DRC7: variants seen among roughly 807,000 people sequenced by gnomAD.
DRC7 encodes the protein dynein regulatory complex subunit 7, also known as coiled-coil domain containing 135.
A neutral mutation model predicts 104.4 loss-of-function variants in DRC7; 80 were observed. The ratio of observed to expected loss-of-function variants is 0.77; its 90% CI spans 0.64 to 0.92. DRC7 has a LOEUF of 0.92. Ranked by LOEUF, DRC7 falls within the 40% of genes least tolerant of loss-of-function variation. DRC7 has a pLI of 0.00. For synonymous variants in DRC7, 405 were observed against 447.3 expected, an observed-to-expected ratio of 0.91 and a Z score of 1.19; for missense variants, 1,034 against 1,141.1, an observed-to-expected ratio of 0.91 and a Z score of 1.35.
intron 8 of DRC7, among the ~76,000 whole-genome samples, chr16:57,708,814 G>A (rs2048761205): frequency 6.6e-6 from 1 of 152,156 alleles, no homozygotes; most frequent in South Asian, 2.1e-4. Context: ...TAATGGTATT[G>A]CACTGTGGTT....
rs2048695410 is a variant in DRC7 at position 57,704,907 on chromosome 16, A to G, written c.731A>G (p.Lys244Arg). The G allele has an allele frequency of 6.2e-7, 1 of 1,613,590 alleles. No homozygotes were observed. The highest frequency in any genetic ancestry group is 1.7e-5 in the Admixed American group (1 of 59,988). The stretch of plus-strand genomic sequence containing the variant: ...AAGAAGGAGGAAAAGGTGCTGCCTA[A>G]GAAGTATACCATCAAACCCCCCAGG... ...TIKKEEKVLP[K>R]KYTIKPPRDL... Residue 244 changes from lysine to arginine, a missense_variant, in exon 7 of 19, where the codon AAG (lysine) becomes AGG (arginine). Physicochemically the swap from Lys to Arg is conservative, Grantham distance 26. Transcript: ENST00000360716.
At chr16:57,703,017 G>A (rs1262051503) in intron 6 of DRC7, among the ~76,000 whole-genome samples, 1 of 151,908 alleles carries the variant, frequency 6.6e-6, no homozygotes, top group African/African-American at 2.4e-5. Flanking sequence ...CCAAGTAGCT[G>A]AGACTACAGG....
chr16:57,704,762 G>A, intron 6 of DRC7, 114 bp from the exon 7 acceptor site: 2 of 1,236,742 alleles, frequency 1.6e-6, no homozygotes, highest in Non-Finnish European at 2.3e-6. Context: ...GGCTACAGGA[G>A]TAGCTGCCAT....
chr16:57,702,937 G>A (rs1442611048), intron 6 of DRC7, among the ~76,000 whole-genome samples: 1 of 152,048 alleles, frequency 6.6e-6, no homozygotes, highest in South Asian at 2.1e-4. Context: ...AAGCTGGAGT[G>A]CAGTGGCATG....
rs779871835 is a variant in DRC7 at position 57,726,205 on chromosome 16, C to G, written c.1896C>G (p.Arg632=). The change falls in exon 14 of 19, where the codon CGC becomes CGG. Residue 632 remains arginine (R), a synonymous_variant. Coordinates refer to ENST00000360716, the MANE Select transcript of DRC7 (RefSeq NM_001289162.2). ...CREDHITASK[R]EFLRRTEVDS... ...AGGACCACATCACGGCCTCCAAGCG[C>G]GAGTTCCTGCGGCGCACCGAGGTGG... 15 of 1,613,142 alleles carry G rather than the reference C, an allele frequency of 9.3e-6. No individual in the cohort carries two copies. Among genetic ancestry groups the G allele is most frequent in the Non-Finnish European group, 9.3e-6 (11 of 1,179,980 alleles).
At position 57,707,451 on chromosome 16, in the gene DRC7, C is replaced by T. The variant is rs1251812371; in HGVS notation, c.859-9C>T. 2 of 1,608,478 alleles carry T rather than the reference C, an allele frequency of 1.2e-6. No individual in the cohort carries two copies. The highest frequency in any genetic ancestry group is 1.7e-4 in the Middle Eastern group (1 of 6,032). The stretch of plus-strand genomic sequence containing the variant: ...ATCTGACTCGTAGTCACCCACCTTT[C>T]CTTGGCAGGAAGCGGAGAAGGCAAA... On this transcript the variant is annotated splice_polypyrimidine_tract_variant and intron_variant, in intron 7 of 18. Transcript: ENST00000360716.
intron 1 of DRC7, among the ~76,000 whole-genome samples, chr16:57,695,233 C>T (rs2048581417): frequency 6.6e-6 from 1 of 151,292 alleles, no homozygotes; most frequent in Admixed American, 6.6e-5. Flanking sequence ...TTGCCCACCA[C>T]TCCCCCACCC....
In DRC7 at chr16:57,717,046, TACTCAGGAG is replaced by T. The variant is rs1257682550; in HGVS notation, c.1078-1297_1078-1289del. ...GGTGGCGAGCACTTGTAGTCCCAGCTACTCAGGAGACTGAGGTAGGAGAATCACTTGAAC... is the reference window on the plus strand; with the variant it reads ...GGTGGCGAGCACTTGTAGTCCCAGCTACTGAGGTAGGAGAATCACTTGAAC... On this transcript the variant is annotated intron_variant, in intron 8 of 18. Transcript: ENST00000360716. Among the ~76,000 whole-genome samples, 4 of 150,780 alleles carry T rather than the reference TACTCAGGAG, an allele frequency of 2.7e-5. No individual in the cohort carries two copies. The East Asian group carries it at 6.2e-4, about 23-fold the overall frequency.
chr16:57,730,294 T>C (rs562202070), intron 17 of DRC7, among the ~76,000 whole-genome samples: 1 of 86,588 alleles, frequency 1.2e-5, no homozygotes. Context: ...GGTGGGTGGA[T>C]GGGTGGGTGG....
chr16:57,725,916 G>A, intron 13 of DRC7, 152 bp from the exon 14 acceptor site: 1 of 665,276 alleles, frequency 1.5e-6, no homozygotes, highest in South Asian at 1.8e-5. Flanking sequence ...GAAATCCATT[G>A]TCTGGCTAGG....
At chr16:57,713,093 A>G (rs921349514) in intron 8 of DRC7, among the ~76,000 whole-genome samples, 6 of 152,198 alleles carry the variant, frequency 3.9e-5, no homozygotes, top group African/African-American at 9.6e-5. Flanking sequence ...TATGACTTCT[A>G]TTATTTTACA....
rs1239446499 is a variant in DRC7 at position 57,705,045 on chromosome 16, A to G, written c.858+11A>G. 6.2e-7 allele frequency: 1 copy of G among 1,610,304 alleles called. No individual in the cohort carries two copies. The highest frequency in any genetic ancestry group is 2.2e-5 in the East Asian group (1 of 44,852). ...GAGGAGCGCCTCATGGTGGGTCCTC[A>G]GCCCTGAATCCCCTGGGCTCAGCTA... On this transcript the variant is annotated intron_variant, in intron 7 of 18. Coordinates refer to ENST00000360716, the MANE Select transcript of DRC7 (RefSeq NM_001289162.2).
chr16:57,721,890 C>G (rs1456786203), intron 10 of DRC7, 151 bp downstream of exon 10: 1 of 611,230 alleles, frequency 1.6e-6, no homozygotes, highest in East Asian at 2.9e-5. Flanking sequence ...CTCCCTCCCT[C>G]CCTCCCCCCT....
intron 5 of DRC7, 81 bp from the exon 6 acceptor site, chr16:57,701,855 C>A: frequency 8.0e-7 from 1 of 1,256,972 alleles, no homozygotes; most frequent in Non-Finnish European, 1.1e-6. Flanking sequence ...CCCACCCTGA[C>A]AGGTGGTGGG....
At chr16:57,705,092 T>C in intron 7 of DRC7, 58 bp downstream of exon 7, 1 of 1,564,384 alleles carries the variant, frequency 6.4e-7, no homozygotes, top group Non-Finnish European at 8.7e-7. Context: ...CTGCTAGGGA[T>C]GGGAAAAGAG....
chr16:57,698,809 C>A, intron 3 of DRC7, 41 bp from the exon 4 acceptor site: 1 of 1,592,542 alleles, frequency 6.3e-7, no homozygotes, highest in East Asian at 2.2e-5. Flanking sequence ...CTCCTGTGTG[C>A]CAGGCATGGC....
chr16:57,707,014 T>C (rs560207431), intron 7 of DRC7, among the ~76,000 whole-genome samples: 1 of 152,288 alleles, frequency 6.6e-6, no homozygotes, highest in South Asian at 2.1e-4. Context: ...CCCCACTCCC[T>C]TCTTTCCTTT....
chr16:57,721,561 G>T (rs2048902800), intron 9 of DRC7, 106 bp from the exon 10 acceptor site: 2 of 812,738 alleles, frequency 2.5e-6, no homozygotes, highest in Non-Finnish European at 2.0e-6. Flanking sequence ...GGAAGCCAAC[G>T]GACCACCTTG....
chr16:57,721,178 C>A (rs1426949637), intron 9 of DRC7, among the ~76,000 whole-genome samples: 1 of 152,070 alleles, frequency 6.6e-6, no homozygotes, highest in African/African-American at 2.4e-5. Flanking sequence ...ATTCACTGCA[C>A]TCCAGCCTGG....
Sources: allele counts gnomAD v4.1 joint callset (sites outside exome capture counted in the v4.1 genomes callset), GRCh38; gene constraint gnomAD v4.1.1; transcripts MANE v1.5; gene names NCBI Gene and HGNC (gene_info 2026-07-23, HGNC 2026-07-21).